The following AMPH variants were observed in gnomAD, a reference collection of about 807,000 sequenced individuals.
AMPH encodes the protein amphiphysin (Stiff-Mann syndrome with breast cancer 128kD autoantigen).
A neutral mutation model predicts 99.1 loss-of-function variants in AMPH; 49 were observed. The ratio of observed to expected loss-of-function variants is 0.49; its 90% CI spans 0.39 to 0.63. The LOEUF (loss-of-function observed/expected upper bound fraction) is 0.63. AMPH is among the 20% of genes least tolerant of loss of function. The pLI, the probability that AMPH is intolerant of heterozygous loss-of-function variation, is 0.00. For synonymous variants in AMPH, 314 were observed against 317.3 expected (o/e 0.99, Z 0.11); for missense variants, 759 against 863.4 (o/e 0.88, Z 1.52).
At chr7:38,566,517 C>T (rs966748735) in intron 1 of AMPH, among the ~76,000 whole-genome samples, 6 of 152,076 alleles carry the variant, frequency 3.9e-5, no homozygotes, top group Admixed American at 2.6e-4. Flanking sequence ...ACACAAAAAG[C>T]AATGGCAACA....
chr7:38,431,676 AG>A lies in AMPH; in HGVS notation c.1158+512del. Among the ~76,000 whole-genome samples the A allele has an allele frequency of 1.3e-5, 2 of 150,648 alleles. 1 individual carries two copies. The highest frequency in any genetic ancestry group is 4.2e-4 in the South Asian group (2 of 4,804). On this transcript the variant is annotated intron_variant, in intron 13 of 20. Coordinates refer to ENST00000356264, the MANE Select transcript of AMPH (RefSeq NM_001635.4). ...CGTCTTAAAAAAAAAAAAAAAAAAA[AG>A]TAATTGCTCAAAGTCTCAAGGTTAT... is the stretch of plus-strand genomic sequence containing the variant.
At chr7:38,460,353 G>C (rs752132971) in intron 11 of AMPH, among the ~76,000 whole-genome samples, 47 of 152,106 alleles carry the variant, frequency 3.1e-4, no homozygotes, top group Non-Finnish European at 5.1e-4. Context: ...TTATCCAAAA[G>C]AAAAGAAATG....
chr7:38,575,977 A>G (rs567581347), intron 1 of AMPH, among the ~76,000 whole-genome samples: 4 of 152,278 alleles, frequency 2.6e-5, no homozygotes, highest in African/African-American at 9.6e-5. Context: ...TATAGTTTTT[A>G]TTTAGCTTCT....
intron 2 of AMPH, among the ~76,000 whole-genome samples, chr7:38,524,468 A>G (rs1790087931): frequency 6.6e-6 from 1 of 152,188 alleles, no homozygotes; most frequent in Non-Finnish European, 1.5e-5. Context: ...GTTTTGTCAT[A>G]GGCAAAATTT....
intron 1 of AMPH, among the ~76,000 whole-genome samples, chr7:38,617,915 A>G (rs549070711): frequency 5.1e-4 from 77 of 152,318 alleles, no homozygotes; most frequent in African/African-American, 1.8e-3. Flanking sequence ...AATCCAAACC[A>G]GTTAGCAGAC....
intron 2 of AMPH, among the ~76,000 whole-genome samples, chr7:38,532,468 C>T (rs1247633500): frequency 2.0e-5 from 3 of 152,150 alleles, no homozygotes; most frequent in Admixed American, 2.0e-4. Flanking sequence ...TTTGAAGTTT[C>T]ACACGTTTTA....
At chr7:38,505,479 C>A (rs1226883659) in intron 2 of AMPH, among the ~76,000 whole-genome samples, 1 of 152,138 alleles carries the variant, frequency 6.6e-6, no homozygotes, top group African/African-American at 2.4e-5. Context: ...AATCAAAGTG[C>A]TAAACAATTG....
intron 11 of AMPH, among the ~76,000 whole-genome samples, chr7:38,450,725 GC>G (rs1786979096): frequency 6.6e-6 from 1 of 152,030 alleles, no homozygotes; most frequent in Admixed American, 6.6e-5. Flanking sequence ...CCTGAGACTG[GC>G]CATCAGAATG....
chr7:38,465,401 G>T, intron 9 of AMPH, 66 bp downstream of exon 9: 1 of 1,369,262 alleles, frequency 7.3e-7, no homozygotes, highest in Non-Finnish European at 1.0e-6. Context: ...AGTACAGGCT[G>T]GTCCACAGAT....
intron 3 of AMPH, among the ~76,000 whole-genome samples, chr7:38,499,585 A>C (rs1260990458): frequency 6.6e-6 from 1 of 152,100 alleles, no homozygotes; most frequent in Non-Finnish European, 1.5e-5. Flanking sequence ...GCCAAATATC[A>C]CTTTCTCCTA....
chr7:38,495,413 G>A (rs1455684061), intron 3 of AMPH, among the ~76,000 whole-genome samples: 1 of 152,092 alleles, frequency 6.6e-6, no homozygotes, highest in Admixed American at 6.5e-5. Context: ...CTCTCCTAGA[G>A]GCTCAGAGCA....
At chr7:38,571,344 T>TATATATATTTATATAGAGA (rs1554364727) in intron 1 of AMPH, among the ~76,000 whole-genome samples, 1 of 41,650 alleles carries the variant, frequency 2.4e-5, no homozygotes, top group Non-Finnish European at 4.6e-5. Flanking sequence ...ATATATAGAA[T>TATATATATTTATATAGAGA]ATATATATTT....
chr7:38,388,329 G>A lies in AMPH; in HGVS notation c.1980+1475C>T, dbSNP rs370737066. On this transcript the variant is annotated intron_variant, in intron 20 of 20. Transcript: ENST00000356264. ...TGTGTGATGCTGACACCTTTTCTTT[G>A]TATTGGTAATTTATGCTTTGTGACT... Among the ~76,000 whole-genome samples, 8 of 151,994 alleles carry A rather than the reference G, an allele frequency of 5.3e-5. No homozygotes were observed. In the East Asian group the frequency reaches 1.2e-3, roughly 22 times the overall value.
chr7:38,538,355 C>CCTT (rs1304208090), intron 1 of AMPH, among the ~76,000 whole-genome samples: 1 of 152,136 alleles, frequency 6.6e-6, no homozygotes, highest in Non-Finnish European at 1.5e-5. Flanking sequence ...AAACACTGGG[C>CCTT]TAAGGGGCTG....
At chr7:38,622,505 T>G (rs1794108604) in intron 1 of AMPH, among the ~76,000 whole-genome samples, 1 of 151,270 alleles carries the variant, frequency 6.6e-6, no homozygotes, top group Non-Finnish European at 1.5e-5. Flanking sequence ...TTAGATGAAC[T>G]GCAATGGCCC....
At chr7:38,477,222 A>G (rs1401858960) in intron 5 of AMPH, among the ~76,000 whole-genome samples, 1 of 152,024 alleles carries the variant, frequency 6.6e-6, no homozygotes, top group Non-Finnish European at 1.5e-5. Context: ...AGCTGAGGGC[A>G]GAGTTTGCAG....
At chr7:38,560,676 T>C (rs887479583) in intron 1 of AMPH, among the ~76,000 whole-genome samples, 3 of 152,190 alleles carry the variant, frequency 2.0e-5, no homozygotes, top group Non-Finnish European at 2.9e-5. Context: ...GCACAATGCA[T>C]GTTTGTTTGT....
intron 11 of AMPH, among the ~76,000 whole-genome samples, chr7:38,443,450 C>T (rs928998221): frequency 6.6e-6 from 1 of 151,850 alleles, no homozygotes; most frequent in Non-Finnish European, 1.5e-5. Context: ...AAATTCTAGA[C>T]CGAGCTTTAG....
intron 18 of AMPH, among the ~76,000 whole-genome samples, chr7:38,393,371 C>A (rs1362508345): frequency 2.0e-5 from 3 of 152,198 alleles, no homozygotes; most frequent in Non-Finnish European, 4.4e-5. Flanking sequence ...ACCGAAGAAC[C>A]AGACAATGGA....
Sources: gnomAD v4.1 joint callset for allele counts (sites outside exome capture counted in the v4.1 genomes callset) on GRCh38, gnomAD v4.1.1 for gene constraint, MANE v1.5 for transcripts, NCBI Gene and HGNC (gene_info 2026-07-23, HGNC 2026-07-21) for gene names.